Variants in SLC5A7 observed in about 807,000 individuals in gnomAD.
SLC5A7 encodes the protein solute carrier family 5 member 7, also known as high affinity choline transporter 1.
Under a neutral mutation model 55.4 loss-of-function variants are expected in SLC5A7, and 19 were observed. That is an observed-to-expected ratio of 0.34 (90% CI 0.24 to 0.50). SLC5A7 has a LOEUF of 0.50. SLC5A7 is among the 20% of genes least tolerant of loss of function. The pLI is 0.98. For synonymous variants in SLC5A7, 265 were observed against 263.7 expected (o/e 1.00, Z -0.05); for missense variants, 506 against 705.3 (o/e 0.72, Z 3.20).
intron 2 of SLC5A7, among the ~76,000 whole-genome samples, chr2:107,990,844 C>T (rs1474889355): frequency 6.6e-6 from 1 of 152,134 alleles, no homozygotes; most frequent in Non-Finnish European, 1.5e-5. Context: ...CATTTACTTA[C>T]ATTCTAACTG....
At position 108,010,635 on chromosome 2, in the gene SLC5A7, C is replaced by G. The variant is rs140863834; in HGVS notation, c.1517C>G (p.Thr506Ser). The change falls in exon 9 of 9, where the codon ACC (threonine) becomes AGC (serine). Residue 506 changes from threonine to serine, a missense_variant. Around this residue, in one of 4 missense-constraint regions of SLC5A7, gnomAD observed 137 missense variants for 143.6 expected, o/e 0.95. Coordinates refer to ENST00000264047, the MANE Select transcript of SLC5A7 (RefSeq NM_021815.5). ...YLAKYLFESG[T>S]LPPKLDVFDA... ...GCCAAGTATCTATTTGAAAGTGGAA[C>G]CTTGCCACCTAAATTAGATGTATTT... The G allele has an allele frequency of 1.2e-6, 2 of 1,613,946 alleles. No homozygotes were observed. The highest frequency in any genetic ancestry group is 1.7e-6 in the Non-Finnish European group (2 of 1,179,942).
In SLC5A7 at chr2:108,010,300, C is replaced by T. The variant is rs1243098501; in HGVS notation, c.1182C>T (p.Ala394=). 1 of 1,613,970 alleles carries T rather than the reference C, an allele frequency of 6.2e-7. No individual in the cohort carries two copies. The change falls in exon 9 of 9, where the codon GCC becomes GCT. Residue 394 remains alanine, a synonymous_variant. Transcript: ENST00000264047. Reference sequence around the variant, plus strand: ...TTGTGTTTGGAGCATCTGCAACAGCCATGGCCTTGCTGACGAAAACTGTGT... The same window carrying T: ...TTGTGTTTGGAGCATCTGCAACAGCTATGGCCTTGCTGACGAAAACTGTGT... ...TVFVFGASAT[A]MALLTKTVYG...
rs1678399592 is a variant in SLC5A7, at chr2:108,013,057, C to T, written c.*2196C>T. On this transcript the variant is annotated 3_prime_UTR_variant, in exon 9 of 9. Transcript: ENST00000264047. ...ATATAATGCAACAGGGAGGCATAGTCTCTCTACAGGTCTCTCTCTTTACGT... is the reference window on the plus strand; with the variant it reads ...ATATAATGCAACAGGGAGGCATAGTTTCTCTACAGGTCTCTCTCTTTACGT... 1 of 152,090 alleles carries T rather than the reference C, an allele frequency of 6.6e-6. No individual in the cohort carries two copies. Among genetic ancestry groups the T allele is most frequent in the African/African-American group, 2.4e-5 (1 of 41,438 alleles). 9.4% of individuals were successfully genotyped at this position (152,090 alleles called of 1,614,324 possible).
At chr2:108,001,471 A>T (rs1236670215) in intron 5 of SLC5A7, among the ~76,000 whole-genome samples, 1 of 151,824 alleles carries the variant, frequency 6.6e-6, no homozygotes, top group African/African-American at 2.4e-5. Flanking sequence ...CAGGAGATCG[A>T]GACCATCCCG....
chr2:108,006,290 C>T, intron 7 of SLC5A7, 88 bp downstream of exon 7: 1 of 1,445,120 alleles, frequency 6.9e-7, no homozygotes, highest in Non-Finnish European at 9.6e-7. Flanking sequence ...CTCTTTCCTC[C>T]ACATAGTGAA....
At chr2:107,995,444 G>GGAGA (rs67365376) in intron 4 of SLC5A7, among the ~76,000 whole-genome samples, 127 of 139,916 alleles carry the variant, frequency 9.1e-4, no homozygotes, top group African/African-American at 2.6e-3. Context: ...GAACTCTTTG[G>GGAGA]GAGAGAGAGA....
chr2:108,008,328 C>A, intron 7 of SLC5A7, 137 bp from the exon 8 acceptor site: 1 of 643,658 alleles, frequency 1.6e-6, no homozygotes, highest in South Asian at 2.0e-5. Flanking sequence ...ACTTGACCAG[C>A]ACATGGACTT....
chr2:107,988,681 C>G (rs906905475), intron 2 of SLC5A7, among the ~76,000 whole-genome samples: 23 of 151,874 alleles, frequency 1.5e-4, no homozygotes, highest in Non-Finnish European at 2.8e-4. Context: ...AGCTATGTAT[C>G]TGCTAATTAA....
rs1315865117 is a variant in SLC5A7 at position 108,010,219 on chromosome 2, C to A, written c.1114-13C>A. 8.7e-6 allele frequency: 14 copies of A among 1,606,580 alleles called. No homozygotes were observed. The highest frequency in any genetic ancestry group is 1.2e-5 in the Non-Finnish European group (14 of 1,175,682). On this transcript the variant is annotated splice_polypyrimidine_tract_variant and intron_variant, in intron 8 of 8. Coordinates refer to ENST00000264047, the MANE Select transcript of SLC5A7 (RefSeq NM_021815.5). Reference sequence around the variant, plus strand: ...ACTGTGCAAAAAGCTGACACTGTGGCAATTTCTTACAGGCTTCGGACAAAG... The same window carrying A: ...ACTGTGCAAAAAGCTGACACTGTGGAAATTTCTTACAGGCTTCGGACAAAG...
intron 2 of SLC5A7, among the ~76,000 whole-genome samples, chr2:107,991,838 C>T (rs1194292640): frequency 1.3e-5 from 2 of 151,972 alleles, no homozygotes; most frequent in East Asian, 3.9e-4. Context: ...TTTCTACAAA[C>T]CTCTAAAAAC....
chr2:107,998,061 A>G, intron 5 of SLC5A7, 75 bp downstream of exon 5: 1 of 1,362,680 alleles, frequency 7.3e-7, no homozygotes, highest in Non-Finnish European at 9.8e-7. Context: ...CTCATTAAAA[A>G]TGAGTAGAAA....
chr2:107,992,177 T>C lies in SLC5A7; in HGVS notation c.250T>C (p.Trp84Arg). 6.2e-7 allele frequency: 1 copy of C among 1,613,878 alleles called. No homozygotes were observed. The highest frequency in any genetic ancestry group is 1.7e-4 in the Middle Eastern group (1 of 6,058). Residue 84 changes from tryptophan (W) to arginine (R), a missense_variant, in exon 3 of 9, where the codon TGG becomes CGG. Coordinates refer to ENST00000264047, the MANE Select transcript of SLC5A7 (RefSeq NM_021815.5). ...TTATGTACCAGGTTATGGCCTAGCT[T>C]GGGCTCAGGCACCAATTGGATATTC... ...AVYVPGYGLA[W>R]AQAPIGYSLS... is the part of the protein sequence containing the mutation.
At chr2:107,999,352 T>G (rs1677797767) in intron 5 of SLC5A7, among the ~76,000 whole-genome samples, 1 of 152,216 alleles carries the variant, frequency 6.6e-6, no homozygotes, top group Admixed American at 6.5e-5. Context: ...TCATAACTGA[T>G]GCACTAGGTA....
chr2:108,007,669 A>G (rs976848670), intron 7 of SLC5A7, among the ~76,000 whole-genome samples: 10 of 152,220 alleles, frequency 6.6e-5, no homozygotes, highest in Admixed American at 6.5e-5. Context: ...GACAATTGTA[A>G]TAGAAAATGA....
At chr2:108,009,310 C>T (rs1383380634) in intron 8 of SLC5A7, among the ~76,000 whole-genome samples, 1 of 152,064 alleles carries the variant, frequency 6.6e-6, no homozygotes, top group African/African-American at 2.4e-5. Flanking sequence ...ACCAAAGGAA[C>T]TCCTTGAACA....
intron 4 of SLC5A7, among the ~76,000 whole-genome samples, chr2:107,993,941 A>T (rs1359101710): frequency 1.3e-5 from 2 of 152,196 alleles, no homozygotes; most frequent in Non-Finnish European, 2.9e-5. Context: ...GTAGTGGAAA[A>T]ATTTAAGTAT....
At position 108,010,445 on chromosome 2, in the gene SLC5A7, C is replaced by T; in HGVS notation, c.1327C>T (p.Leu443Phe). Residue 443 changes from leucine (L) to phenylalanine (F), a missense_variant, in exon 9 of 9, where the codon CTC (leucine) becomes TTC (phenylalanine). By Grantham distance (22) the Leu-to-Phe change is conservative (BLOSUM62 0). This residue lies in a region of SLC5A7 where 309 missense variants were observed against 478.6 expected (regional missense o/e 0.65). Transcript: ENST00000264047. ...GGCCGTGGCAGGTTATGTTTCTGGC[C>T]TCTTCCTGAGAATAACTGGAGGGGA... ...YGAVAGYVSG[L>F]FLRITGGEPY... 1 of 1,613,884 alleles carries T rather than the reference C, an allele frequency of 6.2e-7. No homozygotes were observed. The highest frequency in any genetic ancestry group is 8.5e-7 in the Non-Finnish European group (1 of 1,179,920).
chr2:108,010,175 T>C, intron 8 of SLC5A7, 57 bp from the exon 9 acceptor site: 1 of 1,551,448 alleles, frequency 6.4e-7, no homozygotes, highest in Non-Finnish European at 8.7e-7. Flanking sequence ...TCTCATTCTT[T>C]GCCTAAATGA....
intron 1 of SLC5A7, 81 bp from the exon 2 acceptor site, chr2:107,988,024 T>G: frequency 1.2e-6 from 1 of 849,448 alleles, no homozygotes; most frequent in Non-Finnish European, 1.8e-6. Flanking sequence ...GGATCTCGCA[T>G]GAGCCAGCTG....
Sources: allele counts gnomAD v4.1 joint callset (sites outside exome capture counted in the v4.1 genomes callset), GRCh38; gene constraint gnomAD v4.1.1; regional missense constraint gnomAD v4.1.1; transcripts MANE v1.5; gene names NCBI Gene and HGNC (gene_info 2026-07-23, HGNC 2026-07-21).